Variants in GALNT5 observed in about 807,000 individuals in gnomAD.
The protein encoded by GALNT5 is UDP-GalNAc:polypeptide N-acetylgalactosaminyltransferase 5.
GALNT5 carries 72 observed loss-of-function variants against 85.4 expected under a neutral mutation model. The observed-to-expected ratio is 0.84, with a 90% CI of 0.70 to 1.03. GALNT5 has a LOEUF of 1.03. Among genes scored for constraint, GALNT5 ranks in the 50% least tolerant of loss-of-function variants. GALNT5 has a pLI of 0.00. For missense variants in GALNT5, 1,137 were observed against 1,135.5 expected, an observed-to-expected ratio of 1.00 and a Z score of -0.02; for synonymous variants, 404 against 397.0, an observed-to-expected ratio of 1.02 and a Z score of -0.21.
chr2:157,258,502 C>G lies in GALNT5; in HGVS notation c.420C>G (p.Asn140Lys). The G allele has an allele frequency of 1.2e-6, 2 of 1,610,000 alleles. No individual in the cohort carries two copies. The highest frequency in any genetic ancestry group is 8.5e-7 in the Non-Finnish European group (1 of 1,178,840). Residue 140 changes from asparagine to lysine, a missense_variant, in exon 1 of 10, where the codon AAC (asparagine) becomes AAG (lysine). Asn to Lys is a moderately conservative substitution (Grantham distance 94). Transcript: ENST00000259056. ...TGCAGACCCTCCCTGTGACTCCTAA[C>G]AAGCAGAAGACAGACGGGAGAGGCA... ...AHLQTLPVTP[N>K]KQKTDGRGTK...
intron 1 of GALNT5, among the ~76,000 whole-genome samples, chr2:157,279,626 G>C (rs562856595): frequency 6.6e-6 from 1 of 152,340 alleles, no homozygotes; most frequent in African/African-American, 2.4e-5. Context: ...TGCCAAGCCA[G>C]GCACAGGAAA....
intron 8 of GALNT5, among the ~76,000 whole-genome samples, chr2:157,307,576 C>T (rs1041935877): frequency 1.2e-4 from 18 of 152,248 alleles, no homozygotes; most frequent in Admixed American, 9.8e-4. Context: ...ATCAGTAGGT[C>T]GGTGATGTGG....
chr2:157,261,609 C>G (rs1444524658), intron 1 of GALNT5, among the ~76,000 whole-genome samples: 1 of 152,212 alleles, frequency 6.6e-6, no homozygotes, highest in African/African-American at 2.4e-5. Context: ...GGGTCTACCA[C>G]CAGGGATCCT....
At chr2:157,262,688 G>A (rs1025253136) in intron 1 of GALNT5, among the ~76,000 whole-genome samples, 2 of 151,170 alleles carry the variant, frequency 1.3e-5, no homozygotes, top group Non-Finnish European at 1.5e-5. Context: ...AGACAGGCAG[G>A]GATTTCCAGG....
intron 3 of GALNT5, among the ~76,000 whole-genome samples, chr2:157,286,592 C>T (rs1428842034): frequency 6.6e-6 from 1 of 152,190 alleles, no homozygotes; most frequent in Non-Finnish European, 1.5e-5. Context: ...CAACCTCCGC[C>T]TCCCTCGTTC....
rs761389420 is a variant in GALNT5, at chr2:157,259,512, C to A, written c.1430C>A (p.Ala477Asp). The change falls in exon 1 of 10, where the codon GCC becomes GAC. Residue 477 changes from alanine to aspartate, a missense_variant. Physicochemically the swap from Ala to Asp is moderately radical, Grantham distance 126 (BLOSUM62 -2). Coordinates refer to ENST00000259056, the MANE Select transcript of GALNT5 (RefSeq NM_014568.3). ...AGCGATTTGATCCCAGTGGATAGAG[C>A]CATTGAAGACACCAGACCTGCTGGG... is the stretch of plus-strand genomic sequence containing the variant. ...YLSDLIPVDR[A>D]IEDTRPAGCA... 7.2e-7 allele frequency: 1 copy of A among 1,383,040 alleles called. No individual in the cohort carries two copies. Among genetic ancestry groups the A allele is most frequent in the Non-Finnish European group, 9.4e-7 (1 of 1,059,312 alleles). 85.7% of individuals were successfully genotyped at this position (1,383,040 alleles called of 1,614,324 possible).
At chr2:157,286,924 G>GTA (rs1553462791) in intron 3 of GALNT5, among the ~76,000 whole-genome samples, 3 of 151,190 alleles carry the variant, frequency 2.0e-5, no homozygotes, top group Non-Finnish European at 4.4e-5. Flanking sequence ...GTGTGTGTGT[G>GTA]TGTGTGTGTG....
intron 3 of GALNT5, 148 bp downstream of exon 3, chr2:157,286,282 GT>G: frequency 1.5e-6 from 1 of 660,284 alleles, no homozygotes; most frequent in Non-Finnish European, 2.6e-6. Flanking sequence ...TTTATAATAT[GT>G]GCTTTATCAT....
Position 157,258,448 on chromosome 2 carries a change from G to A in GALNT5, c.366G>A (p.Lys122=). Residue 122 remains lysine, a synonymous_variant, in exon 1 of 10, where the codon AAG becomes AAA. Coordinates refer to ENST00000259056, the MANE Select transcript of GALNT5 (RefSeq NM_014568.3). The stretch of plus-strand genomic sequence containing the variant: ...TGCAGAATGCCCTGGGAAGGGGCAA[G>A]GTTGTGCCGTTGTGGCATCCTGCAC... The part of the protein sequence containing the change: ...RKMQNALGRG[K]VVPLWHPAHL... 2 of 1,607,024 alleles carry A rather than the reference G, an allele frequency of 1.2e-6. No individual in the cohort carries two copies. Among genetic ancestry groups the A allele is most frequent in the African/African-American group, 2.7e-5 (2 of 74,298 alleles).
intron 3 of GALNT5, among the ~76,000 whole-genome samples, chr2:157,286,790 GT>G (rs1260801313): frequency 2.0e-5 from 3 of 151,878 alleles, no homozygotes; most frequent in Admixed American, 2.0e-4. Flanking sequence ...GCCTCAAAAT[GT>G]TTTTTTAAAT....
intron 1 of GALNT5, among the ~76,000 whole-genome samples, chr2:157,264,410 C>T (rs545975608): frequency 6.6e-6 from 1 of 152,150 alleles, no homozygotes; most frequent in African/African-American, 2.4e-5. Flanking sequence ...AATAAGAATT[C>T]TGGCGTGCTT....
At chr2:157,301,350 C>A in intron 7 of GALNT5, 1 of 284,522 alleles carries the variant, frequency 3.5e-6, no homozygotes, top group Non-Finnish European at 6.7e-6. Context: ...AGTGTAAATA[C>A]AAAATATAAT....
At chr2:157,298,414 G>A (rs77277034) in intron 5 of GALNT5, among the ~76,000 whole-genome samples, 3,535 of 152,248 alleles carry the variant, frequency 0.023, 162 homozygotes, top group East Asian at 0.18. Context: ...AGAAGGAAAG[G>A]GAGAGTCTCT....
Position 157,317,109 on chromosome 2 carries a change from A to C in GALNT5, c.*5761A>C, listed in dbSNP as rs115820992. ...ATGTTAAATTAAAATTTTTCATAGC[A>C]TGAATAGATTTTTAAGTGACCACTC... On this transcript the variant is annotated 3_prime_UTR_variant, in exon 10 of 10. Coordinates refer to ENST00000259056, the MANE Select transcript of GALNT5 (RefSeq NM_014568.3). Among the ~76,000 whole-genome samples the C allele has an allele frequency of 0.02, 2,985 of 150,344 alleles. 94 individuals carry two copies. The highest frequency in any genetic ancestry group is 0.068 in the African/African-American group (2,816 of 41,198).
In GALNT5 at chr2:157,300,831, G is replaced by A. The variant is rs1332708201; in HGVS notation, c.2271G>A (p.Lys757=). Reference sequence around the variant, plus strand: ...CCGAGGTCTGGCTGGATGAGTATAAGGAGCTGTTCTATGGCCACGGAGACC... The same window carrying A: ...CCGAGGTCTGGCTGGATGAGTATAAAGAGCTGTTCTATGGCCACGGAGACC... ...RVAEVWLDEY[K]ELFYGHGDHL... is the part of the protein sequence containing the mutation. The change falls in exon 7 of 10, where the codon AAG becomes AAA. Residue 757 remains lysine, a synonymous_variant. Transcript: ENST00000259056. The A allele has an allele frequency of 6.2e-7, 1 of 1,614,084 alleles. No individual in the cohort carries two copies. Among genetic ancestry groups the A allele is most frequent in the Non-Finnish European group, 8.5e-7 (1 of 1,179,986 alleles).
chr2:157,293,382 T>C (rs1683139409), intron 3 of GALNT5, among the ~76,000 whole-genome samples: 1 of 152,168 alleles, frequency 6.6e-6, no homozygotes, highest in African/African-American at 2.4e-5. Context: ...GCCTCTTTCA[T>C]ATGAGCACTA....
chr2:157,268,051 G>T (rs981314464), intron 1 of GALNT5, among the ~76,000 whole-genome samples: 1 of 152,132 alleles, frequency 6.6e-6, no homozygotes, highest in East Asian at 1.9e-4. Flanking sequence ...GGGAGTGAAG[G>T]CCCCTGAAGG....
At chr2:157,307,091 A>G (rs1379437837) in intron 8 of GALNT5, among the ~76,000 whole-genome samples, 1 of 151,906 alleles carries the variant, frequency 6.6e-6, no homozygotes, top group East Asian at 1.9e-4. Context: ...CCCAAATTCT[A>G]TTCTTGATGA....
intron 1 of GALNT5, among the ~76,000 whole-genome samples, chr2:157,266,203 C>T (rs1427991071): frequency 6.6e-6 from 1 of 152,172 alleles, no homozygotes; most frequent in Non-Finnish European, 1.5e-5. Context: ...TTCATCTGAT[C>T]CTTGTGGCCA....
Sources: gnomAD v4.1 joint callset for allele counts (sites outside exome capture counted in the v4.1 genomes callset) on GRCh38, gnomAD v4.1.1 for gene constraint, MANE v1.5 for transcripts, NCBI Gene and HGNC (gene_info 2026-07-23, HGNC 2026-07-21) for gene names.